Variants in UBE3B observed in about 807,000 individuals in gnomAD.
The protein encoded by UBE3B is ubiquitin-protein ligase E3B.
UBE3B carries 80 observed loss-of-function variants against 132.3 expected under a neutral mutation model. The observed-to-expected ratio is 0.60, with a 90% CI of 0.50 to 0.73. UBE3B has a LOEUF of 0.73. Ranked by LOEUF, UBE3B falls within the 30% of genes least tolerant of loss-of-function variation. The pLI, the probability that UBE3B is intolerant of heterozygous loss-of-function variation, is 0.00. For missense variants in UBE3B, 1,196 were observed against 1,362.5 expected (o/e 0.88, Z 1.92); for synonymous variants, 487 against 520.4 (o/e 0.94, Z 0.87).
the UBE3B span, among the ~76,000 whole-genome samples, chr12:109,544,954 A>G: frequency 2.0e-5 from 3 of 152,164 alleles, no homozygotes; most frequent in African/African-American, 7.2e-5. Flanking sequence ...TCTCCTTCTT[A>G]TAGGTGAGGC....
At chr12:109,510,228 A>G in intron 16 of UBE3B, 116 bp from the exon 17 acceptor site, 2 of 819,258 alleles carry the variant, frequency 2.4e-6, no homozygotes, top group Admixed American at 2.5e-5. Context: ...TTCCACATAT[A>G]ATTCAGAGCG....
At chr12:109,509,969 A>T (rs1880153469) in intron 16 of UBE3B, among the ~76,000 whole-genome samples, 1 of 152,194 alleles carries the variant, frequency 6.6e-6, no homozygotes, top group African/African-American at 2.4e-5. Context: ...AATGATGATT[A>T]ATTTTGCCCT....
At chr12:109,484,900 G>C (rs1466823246) in intron 4 of UBE3B, among the ~76,000 whole-genome samples, 1 of 152,084 alleles carries the variant, frequency 6.6e-6, no homozygotes, top group African/African-American at 2.4e-5. Context: ...GGGACTGCAG[G>C]TGTGTGCCAC....
intron 15 of UBE3B, chr12:109,508,927 A>G (rs1433802898): frequency 5.2e-6 from 1 of 192,076 alleles, no homozygotes; most frequent in African/African-American, 2.4e-5. Flanking sequence ...GTAAACATCG[A>G]CTCTCAGTCA....
chr12:109,528,225 C>T (rs997042122), intron 24 of UBE3B: 1 of 604,812 alleles, frequency 1.7e-6, no homozygotes, highest in African/African-American at 2.0e-5. Flanking sequence ...CTTGATCTTG[C>T]ACTTTATGAG....
chr12:109,488,820 G>A (rs1592890005), intron 7 of UBE3B, 152 bp downstream of exon 7: 2 of 682,980 alleles, frequency 2.9e-6, no homozygotes, highest in East Asian at 2.6e-5. Flanking sequence ...CTGACCATCA[G>A]ACTGCATCGC....
chr12:109,534,813 T>G lies in UBE3B; in HGVS notation c.*31T>G. 6.8e-7 allele frequency: 1 copy of G among 1,467,550 alleles called. No individual in the cohort carries two copies. Among genetic ancestry groups the G allele is most frequent in the Non-Finnish European group, 9.1e-7 (1 of 1,101,432 alleles). The allele number at this position is 1,467,550 out of a possible 1,614,324, so 90.9% of individuals were successfully genotyped here. ...GTCCCAGCCCTGCCTCCAGGGCTCC[T>G]GGGCTGCCAGGGACCTTCAGCTCCC... On this transcript the variant is annotated 3_prime_UTR_variant, in exon 28 of 28. Coordinates refer to ENST00000342494, the MANE Select transcript of UBE3B (RefSeq NM_130466.4). The surrounding 1 kb of genome is among the most constrained non-coding windows in gnomAD (Gnocchi z 5.2).
chr12:109,486,979 A>G (rs1876606559), intron 6 of UBE3B, among the ~76,000 whole-genome samples: 1 of 152,216 alleles, frequency 6.6e-6, no homozygotes, highest in Non-Finnish European at 1.5e-5. Flanking sequence ...GTAACGTGGC[A>G]GCTAGAGTAA....
Position 109,534,045 on chromosome 12 carries a change from C to T in UBE3B, c.3015+487C>T, listed in dbSNP as rs141298922. On this transcript the variant is annotated intron_variant, in intron 27 of 27. Transcript: ENST00000342494. This position sits in a 1 kb window ranked among gnomAD's most constrained non-coding sequence, Gnocchi z 5.2. ...AGCTCTGTGTGTCTCAAGCCTGGCC[C>T]ACTGTGGGTGCTCAAATGAGAGTCC... 7.7e-6 allele frequency: 10 copies of T among 1,294,874 alleles called. No homozygotes were observed. In the East Asian group the frequency reaches 5.0e-4, roughly 64 times the overall value. 80.2% of individuals were successfully genotyped at this position (1,294,874 alleles called of 1,614,324 possible). A position where few individuals can be genotyped will look rare whatever the true frequency, so the allele number is the denominator to read the frequency against.
Position 109,511,203 on chromosome 12 carries a change from G to A in UBE3B, c.1857-1G>A, listed in dbSNP as rs1880329648. On this transcript the variant is annotated splice_acceptor_variant, in intron 17 of 27. Transcript: ENST00000342494. LOFTEE classifies it high-confidence loss of function. ...CCCAAACCCATGTCTTTCTTCTCAAGGGATCTCAAACCTAGCGTGCTCTTC... is the reference window on the plus strand; with the variant it reads ...CCCAAACCCATGTCTTTCTTCTCAAAGGATCTCAAACCTAGCGTGCTCTTC... 1.9e-6 allele frequency: 3 copies of A among 1,613,888 alleles called. No homozygotes were observed. In the East Asian group the frequency reaches 6.7e-5, roughly 36 times the overall value.
chr12:109,514,374 G>T (rs1241795846), intron 18 of UBE3B, among the ~76,000 whole-genome samples: 1 of 152,200 alleles, frequency 6.6e-6, no homozygotes, highest in Non-Finnish European at 1.5e-5. Flanking sequence ...ACTGTCCACT[G>T]CAGTCGCTGA....
At chr12:109,496,294 A>AT (rs1878199530) in intron 9 of UBE3B, among the ~76,000 whole-genome samples, 1 of 152,202 alleles carries the variant, frequency 6.6e-6, no homozygotes, top group African/African-American at 2.4e-5. Flanking sequence ...GATATACCAC[A>AT]TTTGAGTTGT....
chr12:109,532,737 G>A (rs1883065145), intron 26 of UBE3B, among the ~76,000 whole-genome samples: 1 of 152,250 alleles, frequency 6.6e-6, no homozygotes, highest in South Asian at 2.1e-4. Context: ...GCAGGGAAGT[G>A]TGGCTGGCTG....
At chr12:109,524,198 C>G in intron 22 of UBE3B, 83 bp downstream of exon 22, 1 of 1,573,032 alleles carries the variant, frequency 6.4e-7, no homozygotes. Flanking sequence ...GATGGCCTGT[C>G]CTCTCTTATT....
At position 109,533,531 on chromosome 12, in the gene UBE3B, C is replaced by T. The variant is rs1370932110; in HGVS notation, c.2988C>T (p.Ile996=). ...GFAYLKPPFS[I]RCVEVSDDQD... is the part of the protein sequence containing the mutation. ...CCTACCTCAAGCCTCCATTCTCCAT[C>T]CGCTGCGTGGAGGTGTCGGACGATC... The change falls in exon 27 of 28, where the codon ATC becomes ATT. Residue 996 remains isoleucine (I), a synonymous_variant. Transcript: ENST00000342494. 1 of 1,613,874 alleles carries T rather than the reference C, an allele frequency of 6.2e-7. No homozygotes were observed. Among genetic ancestry groups the T allele is most frequent in the Non-Finnish European group, 8.5e-7 (1 of 1,180,018 alleles).
Position 109,534,157 on chromosome 12 carries a change from A to C in UBE3B, c.3016-434A>C, listed in dbSNP as rs980721314. Reference sequence around the variant, plus strand: ...AGCCCGTGATGCCACCTTGTACAGGAAGCTACACAGTCCTCGGCCTCCATG... The same window carrying C: ...AGCCCGTGATGCCACCTTGTACAGGCAGCTACACAGTCCTCGGCCTCCATG... On this transcript the variant is annotated intron_variant, in intron 27 of 27. Coordinates refer to ENST00000342494, the MANE Select transcript of UBE3B (RefSeq NM_130466.4). The surrounding 1 kb of genome is among the most constrained non-coding windows in gnomAD (Gnocchi z 5.2). The C allele has an allele frequency of 1.8e-5, 23 of 1,275,806 alleles. No homozygotes were observed. The highest frequency in any genetic ancestry group is 2.3e-5 in the Non-Finnish European group (23 of 985,476). The allele number at this position is 1,275,806 out of a possible 1,614,324, so 79.0% of individuals were successfully genotyped here.
At chr12:109,524,772 T>C (rs1006214188) in intron 23 of UBE3B, among the ~76,000 whole-genome samples, 1 of 152,050 alleles carries the variant, frequency 6.6e-6, no homozygotes, top group Non-Finnish European at 1.5e-5. Flanking sequence ...GTAACATGGC[T>C]TTTCGTTACC....
chr12:109,496,551 G>A (rs1241904329), intron 9 of UBE3B, among the ~76,000 whole-genome samples: 1 of 152,182 alleles, frequency 6.6e-6, no homozygotes, highest in Non-Finnish European at 1.5e-5. Context: ...GCCAATACTT[G>A]TTATCTGTCT....
chr12:109,541,292 C>T (rs373439467), downstream of UBE3B, among the ~76,000 whole-genome samples: 4 of 152,314 alleles, frequency 2.6e-5, no homozygotes, highest in South Asian at 6.2e-4. Flanking sequence ...CGGTGACGGG[C>T]AATGTGGACT....
Sources: gnomAD v4.1 joint callset for allele counts (sites outside exome capture counted in the v4.1 genomes callset) on GRCh38, gnomAD v4.1.1 for gene constraint, Gnocchi (gnomAD v3.1) non-coding constraint, MANE v1.5 for transcripts, NCBI Gene and HGNC (gene_info 2026-07-23, HGNC 2026-07-21) for gene names.